QKI: variants seen among roughly 807,000 people sequenced by gnomAD.
QKI encodes the protein KH domain-containing RNA-binding protein QKI.
Under a neutral mutation model 39.0 loss-of-function variants are expected in QKI, and 10 were observed. The observed-to-expected ratio is 0.26, with a 90% confidence interval of 0.16 to 0.43. The LOEUF (loss-of-function observed/expected upper bound fraction) is 0.43. Among genes scored for constraint, QKI ranks in the 20% least tolerant of loss-of-function variants. The pLI, the probability that QKI is intolerant of heterozygous loss-of-function variation, is 1.00. For missense variants in QKI, 218 were observed against 428.0 expected (o/e 0.51, Z 4.33); for synonymous variants, 204 against 155.4 (o/e 1.31, Z -2.33).
chr6:163,473,194 C>T (rs771735739), intron 2 of QKI, among the ~76,000 whole-genome samples: 36 of 152,108 alleles, frequency 2.4e-4, no homozygotes, highest in Non-Finnish European at 3.5e-4. Flanking sequence ...TGCGTGGTTG[C>T]AGATATTGAT....
At chr6:163,444,163 A>G (rs949848360) in intron 1 of QKI, among the ~76,000 whole-genome samples, 9 of 152,192 alleles carry the variant, frequency 5.9e-5, no homozygotes, top group Non-Finnish European at 1.2e-4. Context: ...TCAACCAGTC[A>G]TTGAGTATAT....
intron 3 of QKI, among the ~76,000 whole-genome samples, chr6:163,486,553 T>TTA (rs1234632555): frequency 2.0e-5 from 3 of 152,240 alleles, no homozygotes; most frequent in African/African-American, 7.2e-5. Context: ...TAAGTATCTC[T>TTA]TATAGCAGAG....
At chr6:163,416,191 G>T in intron 1 of QKI, 1 of 340,412 alleles carries the variant, frequency 2.9e-6, no homozygotes, top group Non-Finnish European at 5.8e-6. Context: ...GAGACGTTTG[G>T]AAAGGGCGAA....
At chr6:163,517,066 TC>T (rs1779855550) in intron 3 of QKI, among the ~76,000 whole-genome samples, 1 of 76,928 alleles carries the variant, frequency 1.3e-5, no homozygotes, top group Non-Finnish European at 2.4e-5. Context: ...TCACTCTCTC[TC>T]TCTCTCTCTC....
At chr6:163,455,561 A>G in intron 2 of QKI, 140 bp downstream of exon 2, 1 of 886,232 alleles carries the variant, frequency 1.1e-6, no homozygotes, top group South Asian at 1.8e-5. Flanking sequence ...ATAATTTGGC[A>G]TGATAATTTA....
chr6:163,503,629 T>C (rs1021200153), intron 3 of QKI, among the ~76,000 whole-genome samples: 1 of 152,204 alleles, frequency 6.6e-6, no homozygotes, highest in African/African-American at 2.4e-5. Flanking sequence ...GGTTTAGTTA[T>C]AAATTCTTTC....
chr6:163,492,416 A>G (rs910337611), intron 3 of QKI, among the ~76,000 whole-genome samples: 11 of 152,290 alleles, frequency 7.2e-5, no homozygotes, highest in Admixed American at 7.2e-4. Flanking sequence ...GTTATAGGAC[A>G]TAGTTTGTGG....
intron 4 of QKI, among the ~76,000 whole-genome samples, chr6:163,539,816 A>G (rs1381381685): frequency 6.6e-6 from 1 of 152,160 alleles, no homozygotes; most frequent in Non-Finnish European, 1.5e-5. Flanking sequence ...TTGCAGGAAA[A>G]TGCCTATTTC....
At chr6:163,551,000 T>G (rs1782203457) in intron 4 of QKI, among the ~76,000 whole-genome samples, 1 of 152,020 alleles carries the variant, frequency 6.6e-6, no homozygotes, top group Admixed American at 6.6e-5. Context: ...CGATCAAATT[T>G]TAACCAATAA....
chr6:163,503,249 T>C (rs534405138), intron 3 of QKI, among the ~76,000 whole-genome samples: 1 of 150,984 alleles, frequency 6.6e-6, no homozygotes, highest in Admixed American at 6.6e-5. Context: ...CCCAAAGTGC[T>C]AGGATTACAG....
intron 3 of QKI, among the ~76,000 whole-genome samples, chr6:163,504,593 G>T (rs915722988): frequency 1.3e-5 from 2 of 152,130 alleles, no homozygotes; most frequent in Non-Finnish European, 2.9e-5. Context: ...TTGGCTGGAT[G>T]TATTTCTAGG....
At chr6:163,475,818 G>T (rs1419904904) in intron 2 of QKI, among the ~76,000 whole-genome samples, 1 of 152,112 alleles carries the variant, frequency 6.6e-6, no homozygotes, top group African/African-American at 2.4e-5. Context: ...CTTAGGGTGG[G>T]GAGAGACTTC....
chr6:163,485,017 G>A (rs1777557540), intron 3 of QKI, among the ~76,000 whole-genome samples: 1 of 151,874 alleles, frequency 6.6e-6, no homozygotes, highest in South Asian at 2.1e-4. Flanking sequence ...GAGATTCAGG[G>A]GTTTTAGGAG....
chr6:163,570,587 A>G, intron 7 of QKI, 107 bp from the exon 8 acceptor site: 1 of 1,552,536 alleles, frequency 6.4e-7, no homozygotes, highest in East Asian at 2.3e-5. Context: ...ATTAGTTGTG[A>G]TTAGTTTTTC....
chr6:163,495,533 T>C (rs1778352329), intron 3 of QKI, among the ~76,000 whole-genome samples: 1 of 152,202 alleles, frequency 6.6e-6, no homozygotes, highest in Admixed American at 6.5e-5. Flanking sequence ...GGACATTCTT[T>C]TACATAGTTA....
At chr6:163,565,889 A>G in intron 6 of QKI, 2 of 1,609,826 alleles carry the variant, frequency 1.2e-6, no homozygotes, top group East Asian at 2.2e-5. Flanking sequence ...GGAGATTGGT[A>G]TTAGCATCAA....
rs960478310 is a variant in QKI at position 163,574,180 on chromosome 6, A to G, written c.*3470A>G. ...TCTGCTCACAGCATCGAGTAAAAAG[A>G]TACATTGTCATGGTATATACCTGGA... On this transcript the variant is annotated 3_prime_UTR_variant, in exon 8 of 8. Coordinates refer to ENST00000361752, the MANE Select transcript of QKI (RefSeq NM_006775.3). 1.3e-5 allele frequency: 2 copies of G among 152,178 alleles called. No individual in the cohort carries two copies. Among genetic ancestry groups the G allele is most frequent in the Non-Finnish European group, 2.9e-5 (2 of 68,030 alleles). 9.4% of individuals were successfully genotyped at this position (152,178 alleles called of 1,614,324 possible). A position where few individuals can be genotyped will look rare whatever the true frequency, so the allele number is the denominator to read the frequency against.
chr6:163,558,679 G>A (rs1008219731), intron 4 of QKI, among the ~76,000 whole-genome samples: 34 of 152,044 alleles, frequency 2.2e-4, no homozygotes, highest in African/African-American at 8.2e-4. Flanking sequence ...GATTACAGGC[G>A]TGAGCCACCA....
intron 2 of QKI, among the ~76,000 whole-genome samples, chr6:163,477,084 C>G (rs911921952): frequency 1.4e-5 from 2 of 145,778 alleles, no homozygotes; most frequent in Non-Finnish European, 1.5e-5. Flanking sequence ...GGCATGATTT[C>G]AGCTCACGGC....
Sources: gnomAD v4.1 joint callset for allele counts (sites outside exome capture counted in the v4.1 genomes callset) on GRCh38, gnomAD v4.1.1 for gene constraint, MANE v1.5 for transcripts, NCBI Gene and HGNC (gene_info 2026-07-23, HGNC 2026-07-21) for gene names.